The following ABCA6 variants were observed in gnomAD, a reference collection of about 807,000 sequenced individuals.
The protein encoded by ABCA6 is ATP binding cassette subfamily A member 6, also known as ATP-binding cassette sub-family A member 6.
In ABCA6, 164 loss-of-function variants were observed where a neutral mutation model predicts 191.2. The ratio of observed to expected loss-of-function variants is 0.86; its 90% CI spans 0.76 to 0.98. The LOEUF (loss-of-function observed/expected upper bound fraction) is 0.98. Among genes scored for constraint, ABCA6 ranks in the 50% least tolerant of loss-of-function variants. ABCA6 has a pLI of 0.00. For synonymous variants in ABCA6, 636 were observed against 647.7 expected, an observed-to-expected ratio of 0.98 and a Z score of 0.27; for missense variants, 1,958 against 1,894.1, an observed-to-expected ratio of 1.03 and a Z score of -0.63.
At chr17:69,093,576 A>G (rs565044663) in intron 25 of ABCA6, among the ~76,000 whole-genome samples, 144 of 152,298 alleles carry the variant, frequency 9.5e-4, no homozygotes, top group African/African-American at 3.0e-3. Flanking sequence ...TTCCCGCCCC[A>G]AAATGCTTAA....
chr17:69,080,320 T>C (rs1257193821), intron 37 of ABCA6, among the ~76,000 whole-genome samples: 2 of 151,954 alleles, frequency 1.3e-5, no homozygotes, highest in African/African-American at 4.8e-5. Context: ...AGGGATTGAG[T>C]ACCTCACCCA....
intron 2 of ABCA6, among the ~76,000 whole-genome samples, chr17:69,138,731 C>T (rs1568039768): frequency 6.6e-6 from 1 of 150,810 alleles, no homozygotes; most frequent in Non-Finnish European, 1.5e-5. Context: ...CAGCATGGTA[C>T]TGGTACCAAA....
chr17:69,126,969 G>T lies in ABCA6; in HGVS notation c.1119+1650C>A, dbSNP rs1598053428. Among the ~76,000 whole-genome samples, 3 of 152,240 alleles carry T rather than the reference G, an allele frequency of 2.0e-5. No individual in the cohort carries two copies. In the East Asian group the frequency reaches 5.8e-4, roughly 29 times the overall value. ...AAAGCAAAACAATTAAGACAATGAG[G>T]CCACAGTGCAAGGATAGGCATTTTG... On this transcript the variant is annotated intron_variant, in intron 8 of 38. Coordinates refer to ENST00000284425, the MANE Select transcript of ABCA6 (RefSeq NM_080284.3).
chr17:69,127,854 A>C (rs1568031520), intron 8 of ABCA6, among the ~76,000 whole-genome samples: 1 of 152,234 alleles, frequency 6.6e-6, no homozygotes, highest in Admixed American at 6.5e-5. Flanking sequence ...AAAAATGCTC[A>C]AAAACTAAAA....
At chr17:69,113,394 T>C (rs1297801397) in intron 14 of ABCA6, 34 bp from the exon 15 acceptor site, 1 of 1,568,724 alleles carries the variant, frequency 6.4e-7, no homozygotes, top group African/African-American at 1.4e-5. Context: ...AATATGTCTC[T>C]CTTTCACATT....
chr17:69,128,528 G>C (rs1045229776), intron 8 of ABCA6, 91 bp downstream of exon 8: 1 of 886,242 alleles, frequency 1.1e-6, no homozygotes, highest in Non-Finnish European at 1.6e-6. Flanking sequence ...TAGAATAAAA[G>C]CTCTTAGTTT....
In ABCA6 at chr17:69,129,716, A is replaced by G; in HGVS notation, c.827T>C (p.Phe276Ser). Residue 276 changes from phenylalanine (F) to serine (S), a missense_variant, in exon 7 of 39, where the codon TTT (phenylalanine) becomes TCT (serine). Phe to Ser is a radical substitution (Grantham distance 155, BLOSUM62 -2). Coordinates refer to ENST00000284425, the MANE Select transcript of ABCA6 (RefSeq NM_080284.3). ...AATTGTAACGAATATGGAAATAATA[A>G]AGATGAAGCCAGCATAGATTAGACC... Reference protein sequence around the residue: ...SWGLIYAGFIFIISIFVTIII... With the variant: ...SWGLIYAGFISIISIFVTIII... The G allele has an allele frequency of 6.2e-7, 1 of 1,605,240 alleles. No homozygotes were observed. The highest frequency in any genetic ancestry group is 1.1e-5 in the South Asian group (1 of 90,442).
Position 69,091,400 on chromosome 17 carries a change from T to C in ABCA6, c.3409-138A>G, listed in dbSNP as rs572835698. 1.6e-4 allele frequency: 142 copies of C among 893,412 alleles called. 2 individuals are homozygous for C. In the East Asian group the frequency reaches 3.9e-3, roughly 25 times the overall value. The allele number at this position is 893,412 out of a possible 1,614,324, so 55.3% of individuals were successfully genotyped here. A position where few individuals can be genotyped will look rare whatever the true frequency, so the allele number is the denominator to read the frequency against. Reference sequence around the variant, plus strand: ...AGATATACCCATTTGACAATGATAGTTTCTCCTTTTAGAGACAATAGGGAA... The same window carrying C: ...AGATATACCCATTTGACAATGATAGCTTCTCCTTTTAGAGACAATAGGGAA... On this transcript the variant is annotated intron_variant, in intron 25 of 38. Coordinates refer to ENST00000284425, the MANE Select transcript of ABCA6 (RefSeq NM_080284.3).
chr17:69,139,448 C>A (rs1037142022), intron 2 of ABCA6, among the ~76,000 whole-genome samples: 30 of 152,156 alleles, frequency 2.0e-4, no homozygotes, highest in African/African-American at 7.2e-4. Flanking sequence ...CAAGAAACAA[C>A]AGGCGCTGGA....
At position 69,119,391 on chromosome 17, in the gene ABCA6, T is replaced by C. The variant is rs1181879380; in HGVS notation, c.1437-1435A>G. ...AAATTTAACTCTAAAATAGTTCAAG[T>C]CTTGGGTCCCTTTTAAGTCTTCAAC... On this transcript the variant is annotated intron_variant, in intron 10 of 38. Coordinates refer to ENST00000284425, the MANE Select transcript of ABCA6 (RefSeq NM_080284.3). Among the ~76,000 whole-genome samples, 3 of 152,062 alleles carry C rather than the reference T, an allele frequency of 2.0e-5. No individual in the cohort carries two copies. In the East Asian group the frequency reaches 5.8e-4, roughly 29 times the overall value.
chr17:69,134,888 C>CTTT (rs58333377), intron 4 of ABCA6, 146 bp from the exon 5 acceptor site: 12 of 312,890 alleles, frequency 3.8e-5, no homozygotes, highest in South Asian at 7.9e-5. Context: ...TTGTGGTTGT[C>CTTT]TTTTTTTTTT....
intron 11 of ABCA6, 67 bp from the exon 12 acceptor site, chr17:69,115,553 G>A: frequency 8.9e-7 from 1 of 1,123,148 alleles, no homozygotes; most frequent in Non-Finnish European, 1.3e-6. Context: ...GACAGGCCTG[G>A]TCCCAACATA....
At chr17:69,089,720 C>T (rs1424806569) in intron 26 of ABCA6, among the ~76,000 whole-genome samples, 178 bp from the exon 27 acceptor site, 3 of 152,210 alleles carry the variant, frequency 2.0e-5, no homozygotes, top group African/African-American at 4.8e-5. Flanking sequence ...TCAACTCTTA[C>T]TGTCTCTCAA....
rs2073435850 is a variant in ABCA6, at chr17:69,112,173, A to G, written c.2132+10T>C. ...AACACATAAATCCAATCTATTCCCA[A>G]AGTCTTTACCTTAGGTGATATCCAA... On this transcript the variant is annotated intron_variant, in intron 16 of 38. Transcript: ENST00000284425. The G allele has an allele frequency of 6.3e-7, 1 of 1,596,888 alleles. No homozygotes were observed. Among genetic ancestry groups the G allele is most frequent in the Non-Finnish European group, 8.6e-7 (1 of 1,165,698 alleles).
At chr17:69,105,298 C>T in intron 20 of ABCA6, 164 bp downstream of exon 20, 1 of 696,244 alleles carries the variant, frequency 1.4e-6, no homozygotes, top group Non-Finnish European at 2.3e-6. Context: ...CTGTCATCTC[C>T]AAAATCAGAG....
At chr17:69,098,741 T>TA (rs1169565551) in intron 22 of ABCA6, 1 of 151,734 alleles carries the variant, frequency 6.6e-6, no homozygotes, top group Non-Finnish European at 1.5e-5. Flanking sequence ...ATTCCACTTA[T>TA]ATAAGGTTTC....
chr17:69,114,736 C>T (rs765029492), intron 13 of ABCA6, 26 bp downstream of exon 13: 28 of 1,577,726 alleles, frequency 1.8e-5, no homozygotes, highest in Non-Finnish European at 2.1e-5. Context: ...GTTGGCAGGT[C>T]AGTTAATCCA....
At chr17:69,086,271 T>C (rs2072786938) in intron 30 of ABCA6, among the ~76,000 whole-genome samples, 1 of 152,126 alleles carries the variant, frequency 6.6e-6, no homozygotes, top group African/African-American at 2.4e-5. Context: ...ACAAACTCAT[T>C]GCTGTTTTCA....
At chr17:69,098,763 T>A (rs1450285436) in intron 22 of ABCA6, among the ~76,000 whole-genome samples, 2 of 151,176 alleles carry the variant, frequency 1.3e-5, no homozygotes, top group African/African-American at 4.9e-5. Flanking sequence ...AAACTAGTAA[T>A]ATTCATAGAA....
Sources: allele counts gnomAD v4.1 joint callset (sites outside exome capture counted in the v4.1 genomes callset), GRCh38; gene constraint gnomAD v4.1.1; transcripts MANE v1.5; gene names NCBI Gene and HGNC (gene_info 2026-07-23, HGNC 2026-07-21).